The following NYAP2 variants were observed in gnomAD, a reference collection of about 807,000 sequenced individuals.
NYAP2 encodes neuronal tyrosine-phosphorylated phosphoinositide-3-kinase adaptor 2.
Under a neutral mutation model 50.4 loss-of-function variants are expected in NYAP2, and 23 were observed. That is an observed-to-expected ratio of 0.46 (90% CI 0.33 to 0.65). NYAP2 has a LOEUF of 0.65. Among genes scored for constraint, NYAP2 ranks in the 30% least tolerant of loss-of-function variants. NYAP2 has a pLI of 0.02. For missense variants in NYAP2, 885 were observed against 861.0 expected, an observed-to-expected ratio of 1.03 and a Z score of -0.35; for synonymous variants, 394 against 365.2, an observed-to-expected ratio of 1.08 and a Z score of -0.90.
intron 3 of NYAP2, among the ~76,000 whole-genome samples, chr2:225,443,606 T>TA (rs921529486): frequency 5.4e-5 from 8 of 148,862 alleles, no homozygotes; most frequent in East Asian, 3.9e-4. Context: ...CTGTCTAAAA[T>TA]AAAAAAAAAG....
intron 3 of NYAP2, among the ~76,000 whole-genome samples, chr2:225,451,973 T>C (rs996554610): frequency 6.6e-6 from 1 of 151,906 alleles, no homozygotes; most frequent in East Asian, 1.9e-4. Context: ...CACGTATATA[T>C]ACACACACAC....
At chr2:225,463,727 C>A (rs1689871415) in intron 3 of NYAP2, among the ~76,000 whole-genome samples, 1 of 152,122 alleles carries the variant, frequency 6.6e-6, no homozygotes, top group Non-Finnish European at 1.5e-5. Flanking sequence ...CCAGAAAATC[C>A]CTATGCAGGT....
At chr2:225,655,885 T>TACACACACACACACACACACAC (rs372646871), downstream of NYAP2, among the ~76,000 whole-genome samples, 17 of 121,208 alleles carry the variant, frequency 1.4e-4, no homozygotes, top group African/African-American at 3.4e-4. Flanking sequence ...CAACCTCCAC[T>TACACACACACACACACACACAC]ACACACACAC....
intron 4 of NYAP2, among the ~76,000 whole-genome samples, chr2:225,539,606 G>C (rs1210218494): frequency 6.6e-6 from 1 of 152,044 alleles, no homozygotes; most frequent in Non-Finnish European, 1.5e-5. Flanking sequence ...GTGTTGATGA[G>C]CTTATTTTCA....
chr2:225,433,252 TAA>T (rs1475885738), intron 3 of NYAP2, among the ~76,000 whole-genome samples: 1 of 151,934 alleles, frequency 6.6e-6, no homozygotes, highest in East Asian at 1.9e-4. Flanking sequence ...CTCAGGAGGC[TAA>T]GACAGGAGGA....
chr2:225,550,825 C>A (rs1691660888), intron 4 of NYAP2, among the ~76,000 whole-genome samples: 1 of 152,064 alleles, frequency 6.6e-6, no homozygotes, highest in East Asian at 1.9e-4. Context: ...TTTTCCAATG[C>A]AACCAAAGAA....
At chr2:225,468,332 G>A (rs1171551013) in intron 3 of NYAP2, among the ~76,000 whole-genome samples, 1 of 152,162 alleles carries the variant, frequency 6.6e-6, no homozygotes, top group Non-Finnish European at 1.5e-5. Flanking sequence ...GCCCAGGAAT[G>A]CCAAGAATTG....
In NYAP2 at chr2:225,400,096, G is replaced by A. The variant is rs1694835237; in HGVS notation, c.-660G>A. ...GAGCCGAAATCCAAAGTAGAACGAT[G>A]CCGCTTTCCGGTTTCTTGCAATTTC... On this transcript the variant is annotated 5_prime_UTR_variant, in exon 1 of 7. It removes an upstream start codon present in the reference 5' UTR. Coordinates refer to ENST00000636099, the Ensembl canonical transcript of NYAP2. 1 of 152,110 alleles carries A rather than the reference G, an allele frequency of 6.6e-6. No individual in the cohort carries two copies. The highest frequency in any genetic ancestry group is 1.5e-5 in the Non-Finnish European group (1 of 68,020). 9.4% of individuals were successfully genotyped at this position (152,110 alleles called of 1,614,324 possible).
At chr2:225,401,331 G>A (rs768982580) in intron 2 of NYAP2, among the ~76,000 whole-genome samples, 14 of 152,028 alleles carry the variant, frequency 9.2e-5, no homozygotes, top group Non-Finnish European at 1.8e-4. Flanking sequence ...TTAAAGCTTT[G>A]AAAATGTTTT....
Position 225,623,513 on chromosome 2 carries a change from A to G in NYAP2, c.1619-3404A>G, listed in dbSNP as rs13421138. On this transcript the variant is annotated intron_variant, in intron 5 of 6. Transcript: ENST00000636099. ...CTTTTTTTTTTATGTAAAAGTAACG[A>G]TTTAATGACTATAAGCAATACAAAG... Among the ~76,000 whole-genome samples the G allele has an allele frequency of 3.3e-3, 508 of 152,262 alleles. 1 individual carries two copies. Among genetic ancestry groups the G allele is most frequent in the Non-Finnish European group, 5.7e-3 (391 of 68,006 alleles).
chr2:225,404,414 A>G (rs1202203114), intron 2 of NYAP2, among the ~76,000 whole-genome samples: 1 of 152,032 alleles, frequency 6.6e-6, no homozygotes, highest in African/African-American at 2.4e-5. Flanking sequence ...TATAATGGGT[A>G]GTTTTATTTC....
chr2:225,401,415 A>T lies in NYAP2; in HGVS notation c.-18+372A>T, dbSNP rs906065179. ...CTATTCCATACCATAAATATTTTAC[A>T]ACTGTCTCTTAGCACATTTATGTCA... On this transcript the variant is annotated intron_variant, in intron 2 of 6. Transcript: ENST00000636099. Among the ~76,000 whole-genome samples the T allele has an allele frequency of 2.0e-5, 3 of 152,086 alleles. 1 individual carries two copies. Among genetic ancestry groups the T allele is most frequent in the Non-Finnish European group, 4.4e-5 (3 of 67,992 alleles).
intron 4 of NYAP2, among the ~76,000 whole-genome samples, chr2:225,552,172 G>A (rs1691689916): frequency 6.6e-6 from 1 of 152,062 alleles, no homozygotes; most frequent in African/African-American, 2.4e-5. Flanking sequence ...ATTTCATGGA[G>A]CATTGTCCAA....
At chr2:225,665,803 C>T in the NYAP2 span, among the ~76,000 whole-genome samples, 11 of 15,870 alleles carry the variant, frequency 6.9e-4, no homozygotes, top group Admixed American at 1.5e-3. Flanking sequence ...AGCAAGCCTC[C>T]GTCTAAAAAA....
At chr2:225,522,450 C>A (rs1467615211) in intron 4 of NYAP2, among the ~76,000 whole-genome samples, 1 of 152,116 alleles carries the variant, frequency 6.6e-6, no homozygotes, top group African/African-American at 2.4e-5. Context: ...TATTTGCAAT[C>A]ATGGTTGTTG....
At chr2:225,511,293 G>A (rs1690809008) in intron 3 of NYAP2, among the ~76,000 whole-genome samples, 1 of 146,942 alleles carries the variant, frequency 6.8e-6, no homozygotes, top group African/African-American at 2.5e-5. Flanking sequence ...GTTTGGATAA[G>A]CTTCTAATGT....
At chr2:225,476,123 A>C (rs1035633871) in intron 3 of NYAP2, among the ~76,000 whole-genome samples, 4 of 152,204 alleles carry the variant, frequency 2.6e-5, no homozygotes, top group Admixed American at 1.3e-4. Flanking sequence ...GTCTAAAAAA[A>C]TTTTTACTGA....
At chr2:225,597,335 CATT>C (rs1692618808) in intron 5 of NYAP2, among the ~76,000 whole-genome samples, 1 of 150,844 alleles carries the variant, frequency 6.6e-6, no homozygotes, top group Non-Finnish European at 1.5e-5. Context: ...TCCATTGTAT[CATT>C]CTTATGCCTT....
the NYAP2 span, among the ~76,000 whole-genome samples, chr2:225,662,517 G>A: frequency 6.6e-6 from 1 of 152,218 alleles, no homozygotes; most frequent in Admixed American, 6.5e-5. Context: ...AGAATCCTAC[G>A]AACAGACACT....
Sources: gnomAD v4.1 joint callset for allele counts (sites outside exome capture counted in the v4.1 genomes callset) on GRCh38, gnomAD v4.1.1 for gene constraint, MANE v1.5 for transcripts, NCBI Gene and HGNC (gene_info 2026-07-23, HGNC 2026-07-21) for gene names.